Variants in NCOA7 observed in about 807,000 individuals in gnomAD.
NCOA7 encodes nuclear receptor coactivator 7.
Under a neutral mutation model 104.3 loss-of-function variants are expected in NCOA7, and 45 were observed. The observed-to-expected ratio is 0.43, with a 90% CI of 0.34 to 0.55. The LOEUF is 0.55. Among genes scored for constraint, NCOA7 ranks in the 20% least tolerant of loss-of-function variants. The pLI is 0.02. For missense variants in NCOA7, 1,041 were observed against 1,119.7 expected, an observed-to-expected ratio of 0.93 and a Z score of 1.00; for synonymous variants, 398 against 402.3, an observed-to-expected ratio of 0.99 and a Z score of 0.13.
intron 2 of NCOA7, among the ~76,000 whole-genome samples, chr6:125,837,299 G>A (rs1182006277): frequency 6.6e-6 from 1 of 152,094 alleles, no homozygotes; most frequent in Non-Finnish European, 1.5e-5. Flanking sequence ...CTTCAGAAAA[G>A]TACACGTGTG....
intron 10 of NCOA7, among the ~76,000 whole-genome samples, chr6:125,914,451 G>A (rs1478723115): frequency 2.0e-5 from 3 of 152,054 alleles, no homozygotes; most frequent in Admixed American, 6.5e-5. Flanking sequence ...CAGAATTGTC[G>A]GTGGTATTTC....
chr6:125,882,230 G>GAA (rs142264838), intron 6 of NCOA7, among the ~76,000 whole-genome samples, 196 bp from the exon 7 acceptor site: 5 of 146,194 alleles, frequency 3.4e-5, no homozygotes, highest in African/African-American at 1.0e-4. Context: ...TTTTTTAAAA[G>GAA]AAAAAAAAAA....
intron 13 of NCOA7, among the ~76,000 whole-genome samples, chr6:125,923,284 T>G (rs1295096432): frequency 6.6e-6 from 1 of 152,196 alleles, no homozygotes; most frequent in Non-Finnish European, 1.5e-5. Flanking sequence ...TTGGATGTGA[T>G]GGAGAGTCAG....
At chr6:125,855,364 C>T (rs906816188) in intron 3 of NCOA7, 124 bp downstream of exon 3, 1 of 700,450 alleles carries the variant, frequency 1.4e-6, no homozygotes, top group Non-Finnish European at 2.3e-6. Flanking sequence ...CTATGTGCCC[C>T]TGGCCCTTGC....
intron 10 of NCOA7, among the ~76,000 whole-genome samples, chr6:125,911,141 A>G (rs978343686): frequency 3.9e-5 from 6 of 152,232 alleles, no homozygotes; most frequent in Admixed American, 1.3e-4. Context: ...ACAGGTGGTG[A>G]GAATGTGGAG....
At chr6:125,805,286 G>A (rs1455738435) in intron 1 of NCOA7, among the ~76,000 whole-genome samples, 2 of 151,758 alleles carry the variant, frequency 1.3e-5, no homozygotes, top group Non-Finnish European at 2.9e-5. Flanking sequence ...GTAGAGATGA[G>A]GTTTCACCAT....
intron 5 of NCOA7, among the ~76,000 whole-genome samples, chr6:125,879,388 A>G (rs1004849552): frequency 1.3e-5 from 2 of 152,164 alleles, no homozygotes; most frequent in Non-Finnish European, 2.9e-5. Flanking sequence ...CTGCTAACTA[A>G]TGATGTTGTC....
intron 14 of NCOA7, among the ~76,000 whole-genome samples, 160 bp downstream of exon 14, chr6:125,927,918 C>T (rs1231400850): frequency 3.3e-5 from 5 of 152,326 alleles, no homozygotes; most frequent in Non-Finnish European, 7.4e-5. Context: ...TGCTTAGCGT[C>T]CCTGGCCTTC....
At chr6:125,861,367 A>G (rs1442847611) in intron 3 of NCOA7, among the ~76,000 whole-genome samples, 2 of 152,220 alleles carry the variant, frequency 1.3e-5, no homozygotes, top group African/African-American at 4.8e-5. Context: ...TCAAAGAGCC[A>G]AAGTTATGTT....
intron 7 of NCOA7, among the ~76,000 whole-genome samples, chr6:125,884,495 A>G (rs1387837008): frequency 6.6e-6 from 1 of 152,148 alleles, no homozygotes; most frequent in Non-Finnish European, 1.5e-5. Context: ...TAATATCCGT[A>G]TGGCCATTAA....
chr6:125,883,068 T>C (rs1783975053), intron 7 of NCOA7, among the ~76,000 whole-genome samples: 1 of 152,252 alleles, frequency 6.6e-6, no homozygotes, highest in Non-Finnish European at 1.5e-5. Context: ...CTGTGTTTGC[T>C]GTTGATGATA....
chr6:125,899,226 A>T (rs1208108076), intron 10 of NCOA7, among the ~76,000 whole-genome samples: 3 of 152,240 alleles, frequency 2.0e-5, no homozygotes, highest in African/African-American at 7.2e-5. Context: ...TGCTCTTAAC[A>T]GCACCTTTTC....
intron 1 of NCOA7, among the ~76,000 whole-genome samples, chr6:125,796,190 T>C (rs1487026708): frequency 6.6e-6 from 1 of 152,172 alleles, no homozygotes; most frequent in East Asian, 1.9e-4. Context: ...ATTAGCTATG[T>C]TATAGCTAAT....
In NCOA7 at chr6:125,931,624, G is replaced by C. The variant is rs183028997; in HGVS notation, c.*2853G>C. The stretch of plus-strand genomic sequence containing the variant: ...ACTGAAAATGATTAGATGCATCCCC[G>C]TGCTACAAGCCACCAGAGACATCCT... On this transcript the variant is annotated 3_prime_UTR_variant, in exon 16 of 16. Transcript: ENST00000392477. The C allele has an allele frequency of 1.3e-5, 2 of 152,128 alleles. No homozygotes were observed. Among genetic ancestry groups the C allele is most frequent in the East Asian group, 3.8e-4 (2 of 5,196 alleles). The allele number at this position is 152,128 out of a possible 1,614,324, so 9.4% of individuals were successfully genotyped here. A position where few individuals can be genotyped will look rare whatever the true frequency, so the allele number is the denominator to read the frequency against.
At chr6:125,922,552 C>G (rs1787673314) in intron 12 of NCOA7, 130 bp from the exon 13 acceptor site, 1 of 1,063,358 alleles carries the variant, frequency 9.4e-7, no homozygotes, top group South Asian at 1.6e-5. Flanking sequence ...AAATATTTGC[C>G]AGAATAAGGA....
upstream of NCOA7, among the ~76,000 whole-genome samples, chr6:125,787,199 G>A (rs1355776941): frequency 6.6e-6 from 1 of 151,894 alleles, no homozygotes; most frequent in East Asian, 1.9e-4. Flanking sequence ...CCTTTCATTT[G>A]GGCAATGTTA....
chr6:125,850,176 T>C (rs1780999257), intron 2 of NCOA7, among the ~76,000 whole-genome samples: 1 of 152,166 alleles, frequency 6.6e-6, no homozygotes, highest in Admixed American at 6.6e-5. Context: ...GTAAAAAGTG[T>C]TAGAAATTGA....
At chr6:125,818,151 T>A (rs1583289475) in intron 2 of NCOA7, among the ~76,000 whole-genome samples, 1 of 151,824 alleles carries the variant, frequency 6.6e-6, no homozygotes, top group East Asian at 1.9e-4. Flanking sequence ...TCACTTGCCC[T>A]ACATAGTGAT....
intron 2 of NCOA7, among the ~76,000 whole-genome samples, chr6:125,836,250 T>G (rs1779599535): frequency 1.3e-5 from 2 of 152,208 alleles, no homozygotes; most frequent in Non-Finnish European, 2.9e-5. Flanking sequence ...AATGTATAGT[T>G]GTCATGCCAG....
Sources: allele counts gnomAD v4.1 joint callset (sites outside exome capture counted in the v4.1 genomes callset), GRCh38; gene constraint gnomAD v4.1.1; transcripts MANE v1.5; gene names NCBI Gene and HGNC (gene_info 2026-07-23, HGNC 2026-07-21).